The following ANXA2 variants were observed in gnomAD, a reference collection of about 807,000 sequenced individuals.
ANXA2 encodes annexin A2.
Under a neutral mutation model 47.3 loss-of-function variants are expected in ANXA2, and 28 were observed. That is an observed-to-expected ratio of 0.59 (90% confidence interval 0.44 to 0.81). ANXA2 has a LOEUF of 0.81. ANXA2 is among the 40% of genes least tolerant of loss of function. The pLI is 0.00. For missense variants in ANXA2, 384 were observed against 414.3 expected, an observed-to-expected ratio of 0.93 and a Z score of 0.64; for synonymous variants, 172 against 155.5, an observed-to-expected ratio of 1.11 and a Z score of -0.79.
chr15:60,356,126 C>A, intron 6 of ANXA2, 128 bp from the exon 7 acceptor site: 1 of 675,896 alleles, frequency 1.5e-6, no homozygotes, highest in Non-Finnish European at 2.6e-6. Context: ...ATCCATTCTC[C>A]TTAACCCCAA....
chr15:60,355,438 C>A (rs1312319103), intron 7 of ANXA2: 3 of 234,018 alleles, frequency 1.3e-5, no homozygotes, highest in Non-Finnish European at 2.5e-5. Context: ...TAGGGATTCA[C>A]AGGGGAAATG....
intron 11 of ANXA2, among the ~76,000 whole-genome samples, chr15:60,350,638 G>A (rs149428437): frequency 1.2e-4 from 18 of 152,244 alleles, no homozygotes; most frequent in African/African-American, 3.9e-4. Context: ...ATGGGTCTAC[G>A]GGAAGAGGTG....
intron 1 of ANXA2, among the ~76,000 whole-genome samples, chr15:60,390,028 C>G (rs2062986985): frequency 6.6e-6 from 1 of 152,152 alleles, no homozygotes; most frequent in Non-Finnish European, 1.5e-5. Context: ...ATATGGTTGA[C>G]CTCATCTTCC....
intron 10 of ANXA2, 70 bp downstream of exon 10, chr15:60,351,653 AC>A: frequency 2.1e-6 from 2 of 973,768 alleles, no homozygotes; most frequent in East Asian, 4.8e-5. Flanking sequence ...ATTTGGATTA[AC>A]AGGATGGCCA....
At chr15:60,368,783 G>A (rs1268617168) in intron 3 of ANXA2, among the ~76,000 whole-genome samples, 1 of 152,090 alleles carries the variant, frequency 6.6e-6, no homozygotes, top group Non-Finnish European at 1.5e-5. Flanking sequence ...CCCGGTGAGT[G>A]GCAGGCAGTC....
At chr15:60,393,588 C>T (rs1318269159) in intron 1 of ANXA2, 5 of 985,318 alleles carry the variant, frequency 5.1e-6, no homozygotes, top group Non-Finnish European at 4.8e-6. Context: ...TCTCCAAACA[C>T]GCTCAGCACT....
intron 3 of ANXA2, among the ~76,000 whole-genome samples, chr15:60,370,035 T>C (rs1265489108): frequency 2.0e-5 from 3 of 152,202 alleles, no homozygotes; most frequent in Non-Finnish European, 2.9e-5. Context: ...AATCCAATTA[T>C]CGGAGATCCC....
At chr15:60,366,415 G>T (rs1413129986) in intron 3 of ANXA2, among the ~76,000 whole-genome samples, 1 of 150,240 alleles carries the variant, frequency 6.7e-6, no homozygotes, top group Non-Finnish European at 1.5e-5. Flanking sequence ...ATCTCTGCGC[G>T]GCCGCCCATC....
chr15:60,379,817 C>T (rs918849964), intron 3 of ANXA2, among the ~76,000 whole-genome samples: 8 of 152,190 alleles, frequency 5.3e-5, no homozygotes, highest in East Asian at 3.8e-4. Flanking sequence ...GCCCTCCAGA[C>T]GTTTCTGTCT....
intron 1 of ANXA2, among the ~76,000 whole-genome samples, chr15:60,387,479 T>G (rs2062949311): frequency 6.6e-6 from 1 of 152,192 alleles, no homozygotes; most frequent in Non-Finnish European, 1.5e-5. Flanking sequence ...AAATGAGCCA[T>G]CAAGCCATGA....
intron 10 of ANXA2, 21 bp downstream of exon 10, chr15:60,351,703 A>G (rs1896018581): frequency 6.6e-7 from 1 of 1,505,916 alleles, no homozygotes; most frequent in African/African-American, 1.4e-5. Context: ...TCTACCAGGA[A>G]TGGGGGCCAC....
At chr15:60,377,141 A>G (rs1361671449) in intron 3 of ANXA2, among the ~76,000 whole-genome samples, 3 of 152,230 alleles carry the variant, frequency 2.0e-5, no homozygotes, top group African/African-American at 7.2e-5. Context: ...GAGTGGGGCC[A>G]AGGTGTGGTG....
chr15:60,389,835 T>G (rs2062983991), intron 1 of ANXA2, among the ~76,000 whole-genome samples: 1 of 152,148 alleles, frequency 6.6e-6, no homozygotes. Flanking sequence ...CACCACTACT[T>G]CAGTATCTGC....
intron 7 of ANXA2, 140 bp downstream of exon 7, chr15:60,355,779 G>C: frequency 3.9e-6 from 3 of 778,230 alleles, no homozygotes; most frequent in East Asian, 2.5e-5. Context: ...TGCAGTGACA[G>C]TGCAAACCCA....
At position 60,349,104 on chromosome 15, in the gene ANXA2, A is replaced by T; in HGVS notation, c.931T>A (p.Tyr311Asn). 1 of 1,614,154 alleles carries T rather than the reference A, an allele frequency of 6.2e-7. No homozygotes were observed. The highest frequency in any genetic ancestry group is 8.5e-7 in the Non-Finnish European group (1 of 1,180,014). ...ATATAATAGTACAGGGACTTGCCGT[A>T]CTTTCTCTTGAATTCAGACCTAATT... ...LKIRSEFKRK[Y>N]GKSLYYYIQQ... Residue 311 changes from tyrosine to asparagine, a missense_variant, in exon 12 of 13, where the codon TAC becomes AAC. Coordinates refer to ENST00000451270, the MANE Select transcript of ANXA2 (RefSeq NM_004039.3).
At chr15:60,348,227 G>A (rs1455159752) in intron 12 of ANXA2, among the ~76,000 whole-genome samples, 1 of 152,136 alleles carries the variant, frequency 6.6e-6, no homozygotes, top group Non-Finnish European at 1.5e-5. Flanking sequence ...TGCTAACCAT[G>A]GGCATGCCTT....
At chr15:60,393,695 C>T (rs1465350058) in intron 1 of ANXA2, 1 of 985,192 alleles carries the variant, frequency 1.0e-6, no homozygotes, top group Non-Finnish European at 1.2e-6. Flanking sequence ...CTTTCTCACA[C>T]ACCCCTCCTT....
chr15:60,353,339 C>T (rs1286529557), intron 8 of ANXA2, among the ~76,000 whole-genome samples: 2 of 152,148 alleles, frequency 1.3e-5, no homozygotes, highest in Non-Finnish European at 2.9e-5. Flanking sequence ...GCTGGCCTCC[C>T]TTTCTCCCCC....
At chr15:60,373,639 T>C (rs1042482509) in intron 3 of ANXA2, among the ~76,000 whole-genome samples, 1 of 152,166 alleles carries the variant, frequency 6.6e-6, no homozygotes, top group African/African-American at 2.4e-5. Context: ...AGCCACAATA[T>C]AGTGCTTTGG....
Sources: allele counts gnomAD v4.1 joint callset (sites outside exome capture counted in the v4.1 genomes callset), GRCh38; gene constraint gnomAD v4.1.1; transcripts MANE v1.5; gene names NCBI Gene and HGNC (gene_info 2026-07-23, HGNC 2026-07-21).